Variants in SOX5 observed in about 807,000 individuals in gnomAD.
The protein encoded by SOX5 is SRY-box transcription factor 5, also known as transcription factor SOX-5.
A neutral mutation model predicts 92.0 loss-of-function variants in SOX5; 9 were observed. The observed-to-expected ratio is 0.10, with a 90% CI of 0.06 to 0.17. The LOEUF (loss-of-function observed/expected upper bound fraction) is 0.17. Ranked by LOEUF, SOX5 falls within the 10% of genes least tolerant of loss-of-function variation. The pLI is 1.00. For missense variants in SOX5, 642 were observed against 944.5 expected, an observed-to-expected ratio of 0.68 and a Z score of 4.20; for synonymous variants, 344 against 336.3, an observed-to-expected ratio of 1.02 and a Z score of -0.25.
chr12:24,391,300 C>T (rs1000864428), intron 1 of SOX5, among the ~76,000 whole-genome samples: 1 of 152,066 alleles, frequency 6.6e-6, no homozygotes, highest in African/African-American at 2.4e-5. Context: ...TATTTTAACA[C>T]TATTAAATTT....
chr12:24,217,522 G>C (rs1288686652), intron 3 of SOX5, among the ~76,000 whole-genome samples: 1 of 152,136 alleles, frequency 6.6e-6, no homozygotes, highest in East Asian at 1.9e-4. Flanking sequence ...CCTACATGTA[G>C]AAACTAAACT....
intron 8 of SOX5, among the ~76,000 whole-genome samples, chr12:23,631,460 A>G (rs10771011): frequency 0.62 from 94,710 of 151,910 alleles, 30,584 homozygotes; most frequent in African/African-American, 0.81. Flanking sequence ...AAAATTTAAA[A>G]AAGTATACTT....
intron 4 of SOX5, among the ~76,000 whole-genome samples, chr12:24,122,238 G>A (rs1436888123): frequency 1.3e-5 from 2 of 152,304 alleles, no homozygotes; most frequent in East Asian, 1.9e-4. Context: ...GAGATGAAAC[G>A]TGGCCTTATC....
chr12:23,863,498 G>A (rs1214137107), intron 2 of SOX5, among the ~76,000 whole-genome samples: 1 of 152,082 alleles, frequency 6.6e-6, no homozygotes, highest in African/African-American at 2.4e-5. Context: ...TCCTTTGAAT[G>A]TGCTTTTAAC....
intron 1 of SOX5, among the ~76,000 whole-genome samples, chr12:24,405,364 T>C (rs1247746848): frequency 6.6e-6 from 1 of 152,170 alleles, no homozygotes; most frequent in Admixed American, 6.5e-5. Context: ...GTCAGCCAAG[T>C]AGCTATACTC....
intron 5 of SOX5, among the ~76,000 whole-genome samples, chr12:23,739,526 T>A (rs536044207): frequency 6.6e-6 from 1 of 152,280 alleles, no homozygotes; most frequent in East Asian, 1.9e-4. Flanking sequence ...TCTTAAAATC[T>A]CCGTTTTGTT....
At chr12:23,817,421 A>C (rs549390264) in intron 3 of SOX5, among the ~76,000 whole-genome samples, 36 of 152,360 alleles carry the variant, frequency 2.4e-4, no homozygotes, top group African/African-American at 8.2e-4. Flanking sequence ...CCCAAAGGAA[A>C]GCAATTAAAA....
chr12:23,674,336 A>ATTTTTTTT (rs34975795), intron 6 of SOX5, among the ~76,000 whole-genome samples: 9,310 of 96,514 alleles, frequency 0.096, 1,098 homozygotes, highest in Non-Finnish European at 0.13. Flanking sequence ...ATAAAAAGGA[A>ATTTTTTTT]TTTTTTTTTT....
intron 4 of SOX5, among the ~76,000 whole-genome samples, chr12:23,968,331 T>C (rs1222595674): frequency 1.3e-5 from 2 of 152,232 alleles, no homozygotes; most frequent in Non-Finnish European, 2.9e-5. Flanking sequence ...TCAAGTCTTA[T>C]ACTACTTGAC....
chr12:24,290,394 G>A (rs999949636), intron 2 of SOX5, among the ~76,000 whole-genome samples: 3 of 152,148 alleles, frequency 2.0e-5, no homozygotes, highest in Non-Finnish European at 2.9e-5. Context: ...TAATTGAGTG[G>A]TTTCTACATG....
intron 1 of SOX5, among the ~76,000 whole-genome samples, chr12:24,494,253 C>T (rs989108247): frequency 6.6e-6 from 1 of 152,208 alleles, no homozygotes; most frequent in East Asian, 1.9e-4. Context: ...AATAGCTCCT[C>T]TTGCACCTAT....
chr12:24,038,078 C>G (rs1439380732), intron 4 of SOX5, among the ~76,000 whole-genome samples: 2 of 152,162 alleles, frequency 1.3e-5, no homozygotes, highest in Non-Finnish European at 1.5e-5. Flanking sequence ...TAAAATATGA[C>G]AAAATTATCC....
chr12:23,577,150 TACACACACAC>T (rs1197912028), intron 9 of SOX5, among the ~76,000 whole-genome samples: 1 of 117,594 alleles, frequency 8.5e-6, no homozygotes, highest in Admixed American at 1.1e-4. Flanking sequence ...TATATATATA[TACACACACAC>T]ACACACACAC....
chr12:24,364,727 A>G (rs1955992698), intron 2 of SOX5, among the ~76,000 whole-genome samples: 1 of 151,898 alleles, frequency 6.6e-6, no homozygotes, highest in African/African-American at 2.4e-5. Flanking sequence ...CTTTTCTGAG[A>G]ATGAACTACC....
At chr12:23,822,842 T>A (rs529602917) in intron 3 of SOX5, among the ~76,000 whole-genome samples, 5 of 152,338 alleles carry the variant, frequency 3.3e-5, no homozygotes, top group African/African-American at 1.2e-4. Flanking sequence ...AATAGTTAAC[T>A]CTTCTTGTTG....
chr12:24,355,715 A>C (rs1954752296), intron 2 of SOX5, among the ~76,000 whole-genome samples: 1 of 152,222 alleles, frequency 6.6e-6, no homozygotes, highest in African/African-American at 2.4e-5. Flanking sequence ...AGTATTCATC[A>C]CTGGTATGAG....
intron 2 of SOX5, among the ~76,000 whole-genome samples, chr12:23,854,131 A>T (rs1202139926): frequency 3.9e-5 from 6 of 152,066 alleles, no homozygotes. Flanking sequence ...TCTGTACCAA[A>T]ATTTTTAATA....
intron 11 of SOX5, among the ~76,000 whole-genome samples, chr12:23,558,846 G>A (rs942826352): frequency 3.9e-5 from 6 of 152,174 alleles, no homozygotes; most frequent in African/African-American, 7.2e-5. Flanking sequence ...CAGGTGATCC[G>A]CCTGCCTCAG....
At chr12:23,788,898 TG>T (rs1318177963) in intron 3 of SOX5, among the ~76,000 whole-genome samples, 1 of 152,014 alleles carries the variant, frequency 6.6e-6, no homozygotes, top group African/African-American at 2.4e-5. Context: ...AAAATTATAC[TG>T]TTTCTGTGTT....
Sources: gnomAD v4.1 joint callset for allele counts (sites outside exome capture counted in the v4.1 genomes callset) on GRCh38, gnomAD v4.1.1 for gene constraint, MANE v1.5 for transcripts, NCBI Gene and HGNC (gene_info 2026-07-23, HGNC 2026-07-21) for gene names.